The following SOX5 variants were observed in gnomAD, a reference collection of about 807,000 sequenced individuals.
SOX5 encodes transcription factor SOX-5.
In SOX5, 9 loss-of-function variants were observed where a neutral mutation model predicts 92.0. The observed-to-expected ratio is 0.10, with a 90% CI of 0.06 to 0.17. SOX5 has a LOEUF of 0.17. Among genes scored for constraint, SOX5 ranks in the 10% least tolerant of loss-of-function variants. SOX5 has a pLI of 1.00. For missense variants in SOX5, 642 were observed against 944.5 expected, an observed-to-expected ratio of 0.68 and a Z score of 4.20; for synonymous variants, 344 against 336.3, an observed-to-expected ratio of 1.02 and a Z score of -0.25.
intron 3 of SOX5, among the ~76,000 whole-genome samples, chr12:24,263,254 G>A (rs1249247912): frequency 1.3e-5 from 2 of 151,780 alleles, no homozygotes; most frequent in African/African-American, 2.4e-5. Flanking sequence ...TAGGCCGGGT[G>A]TGGTGGCTCA....
chr12:24,098,013 C>T (rs1352787455), intron 4 of SOX5, among the ~76,000 whole-genome samples: 1 of 152,144 alleles, frequency 6.6e-6, no homozygotes, highest in Non-Finnish European at 1.5e-5. Flanking sequence ...CGGTTTCCTA[C>T]TTTACCAACT....
intron 4 of SOX5, among the ~76,000 whole-genome samples, chr12:24,041,815 T>G (rs10505930): frequency 0.13 from 20,255 of 152,104 alleles, 1,842 homozygotes; most frequent in Non-Finnish European, 0.2. Flanking sequence ...AACTACCATC[T>G]CTAAATTTCA....
intron 4 of SOX5, among the ~76,000 whole-genome samples, chr12:24,034,775 T>A (rs1489836827): frequency 6.6e-6 from 1 of 152,074 alleles, no homozygotes; most frequent in Non-Finnish European, 1.5e-5. Context: ...TTTAATAGAA[T>A]AAATTTGTGT....
chr12:24,486,488 G>T (rs1288429302), intron 1 of SOX5, among the ~76,000 whole-genome samples: 1 of 152,140 alleles, frequency 6.6e-6, no homozygotes, highest in Non-Finnish European at 1.5e-5. Context: ...TCTAAAAACT[G>T]CATAAGAAAG....
At chr12:23,718,488 C>G (rs1461059960) in intron 6 of SOX5, among the ~76,000 whole-genome samples, 1 of 152,114 alleles carries the variant, frequency 6.6e-6, no homozygotes, top group Non-Finnish European at 1.5e-5. Flanking sequence ...AGAATTAGAC[C>G]ACAGTAGGTT....
chr12:24,194,074 T>C (rs543569872), intron 4 of SOX5, among the ~76,000 whole-genome samples: 1 of 152,300 alleles, frequency 6.6e-6, no homozygotes, highest in East Asian at 1.9e-4. Context: ...TTAGCTTCCA[T>C]CTAACCAGAT....
At chr12:24,305,872 C>T (rs569691077) in intron 2 of SOX5, among the ~76,000 whole-genome samples, 2 of 152,312 alleles carry the variant, frequency 1.3e-5, no homozygotes, top group East Asian at 1.9e-4. Context: ...GCTAAAATTA[C>T]AGGCGTGAGC....
intron 1 of SOX5, among the ~76,000 whole-genome samples, chr12:23,945,064 T>C (rs1944321516): frequency 6.6e-6 from 1 of 152,144 alleles, no homozygotes; most frequent in Admixed American, 6.6e-5. Context: ...CATTACACAA[T>C]ATACTCATTA....
chr12:24,089,639 T>C (rs1379422484), intron 4 of SOX5, among the ~76,000 whole-genome samples: 10 of 152,122 alleles, frequency 6.6e-5, no homozygotes, highest in Admixed American at 6.5e-4. Flanking sequence ...ACCCTCTAGG[T>C]GATAACCAAA....
At chr12:23,791,945 ACT>A (rs1371900943) in intron 3 of SOX5, among the ~76,000 whole-genome samples, 5 of 151,976 alleles carry the variant, frequency 3.3e-5, no homozygotes, top group Admixed American at 1.3e-4. Context: ...GACAAGACTG[ACT>A]CTAGCAAAAA....
At chr12:24,150,838 T>C (rs1034108850) in intron 4 of SOX5, among the ~76,000 whole-genome samples, 1 of 151,864 alleles carries the variant, frequency 6.6e-6, no homozygotes, top group African/African-American at 2.4e-5. Context: ...TAGAACAGAA[T>C]GGTTGCAGGG....
rs186825845 is a variant in SOX5, at chr12:23,834,101, C to T, written c.481+11882G>A. 3.5e-4 allele frequency among the ~76,000 whole-genome samples: 53 copies of T among 151,952 alleles called. No individual in the cohort carries two copies. The Middle Eastern group carries it at 0.01, about 29-fold the overall frequency. On this transcript the variant is annotated intron_variant, in intron 3 of 14. Coordinates refer to ENST00000451604, the MANE Select transcript of SOX5 (RefSeq NM_006940.6). The stretch of plus-strand genomic sequence containing the variant: ...TTAGCATTAGCAGTGTAGACTGACT[C>T]GAATTCTGACAAAGTTGTTTGAGGA...
In SOX5 at chr12:24,028,495, G is replaced by A. The variant is rs191920673; in HGVS notation, c.-1-132471C>T. 4.1e-4 allele frequency among the ~76,000 whole-genome samples: 62 copies of A among 152,000 alleles called. 1 individual carries two copies. The highest frequency in any genetic ancestry group is 7.1e-4 in the Non-Finnish European group (48 of 67,914). ...ATTGATTGTCCCATAAGGAGATGTC[G>A]CACCTTCCTTCTAGCTGCTTGAATT... On this transcript the variant is annotated intron_variant, in intron 4 of 4. Transcript: ENST00000446891.
At chr12:23,668,541 G>A (rs2084230045) in intron 6 of SOX5, among the ~76,000 whole-genome samples, 2 of 152,118 alleles carry the variant, frequency 1.3e-5, no homozygotes, top group African/African-American at 4.8e-5. Context: ...TTGGTATAGG[G>A]TTAGTAATTC....
At chr12:24,010,470 G>A (rs73283805) in intron 4 of SOX5, among the ~76,000 whole-genome samples, 174 of 152,334 alleles carry the variant, frequency 1.1e-3, no homozygotes, top group African/African-American at 4.1e-3. Flanking sequence ...GGTAGAAACA[G>A]AAATAGGAGG....
chr12:23,547,838 C>G (rs902985801), intron 11 of SOX5, among the ~76,000 whole-genome samples: 2 of 152,006 alleles, frequency 1.3e-5, no homozygotes, highest in East Asian at 3.8e-4. Context: ...GAATCTGACT[C>G]GATTTGTTTT....
At chr12:24,106,333 T>C (rs1427342968) in intron 4 of SOX5, among the ~76,000 whole-genome samples, 1 of 152,182 alleles carries the variant, frequency 6.6e-6, no homozygotes, top group African/African-American at 2.4e-5. Flanking sequence ...TGAAAAACTA[T>C]GTAAACAAAT....
At chr12:23,575,398 T>C (rs998072187) in intron 10 of SOX5, among the ~76,000 whole-genome samples, 6 of 152,246 alleles carry the variant, frequency 3.9e-5, no homozygotes, top group Non-Finnish European at 4.4e-5. Flanking sequence ...ATTAGTCACT[T>C]AGTCCTCTTT....
intron 3 of SOX5, among the ~76,000 whole-genome samples, chr12:23,769,279 T>C (rs114248780): frequency 2.0e-5 from 3 of 152,032 alleles, no homozygotes; most frequent in African/African-American, 4.8e-5. Context: ...CTTGTTTCCA[T>C]ACATATTTTG....
Sources: allele counts gnomAD v4.1 joint callset (sites outside exome capture counted in the v4.1 genomes callset), GRCh38; gene constraint gnomAD v4.1.1; transcripts MANE v1.5; gene names NCBI Gene and HGNC (gene_info 2026-07-23, HGNC 2026-07-21).